ANKRD44: variants seen among roughly 807,000 people sequenced by gnomAD.
ANKRD44 encodes serine/threonine-protein phosphatase 6 regulatory ankyrin repeat subunit B.
ANKRD44 carries 35 observed loss-of-function variants against 116.0 expected under a neutral mutation model. The observed-to-expected ratio is 0.30, with a 90% confidence interval of 0.23 to 0.40. The LOEUF (loss-of-function observed/expected upper bound fraction) is 0.40, where lower values mean the gene tolerates loss of function less well. Ranked by LOEUF, ANKRD44 falls within the 10% of genes least tolerant of loss-of-function variation. The pLI is 1.00. For synonymous variants in ANKRD44, 435 were observed against 461.8 expected (o/e 0.94, Z 0.74); for missense variants, 1,014 against 1,242.6 (o/e 0.82, Z 2.77).
Position 197,008,953 on chromosome 2 carries a change from G to A in ANKRD44, c.2003C>T (p.Ala668Val), listed in dbSNP as rs2076247626. Residue 668 changes from alanine (A) to valine (V), a missense_variant, in exon 19 of 28, where the codon GCC (alanine) becomes GTC (valine). Coordinates refer to ENST00000282272, the MANE Select transcript of ANKRD44 (RefSeq NM_001195144.2). The stretch of plus-strand genomic sequence containing the variant: ...GTGTGAGCGCACTTACTGTCCTTTG[G>A]CATCTTTCACATCGACCGCCTCCGG... ...DNPEAVDVKD[A>V]KGQTPLMLAV... 1 of 1,613,898 alleles carries A rather than the reference G, an allele frequency of 6.2e-7. No homozygotes were observed. Among genetic ancestry groups the A allele is most frequent in the African/African-American group, 1.3e-5 (1 of 75,014 alleles).
intron 21 of ANKRD44, among the ~76,000 whole-genome samples, chr2:196,976,295 C>T (rs2075759868): frequency 6.6e-6 from 1 of 152,022 alleles, no homozygotes; most frequent in African/African-American, 2.4e-5. Context: ...AGCCACCACG[C>T]CTGGCTAATT....
chr2:197,019,794 T>C (rs542774630), intron 17 of ANKRD44, among the ~76,000 whole-genome samples: 33 of 151,942 alleles, frequency 2.2e-4, no homozygotes, highest in Non-Finnish European at 4.6e-4. Context: ...ATTTCTTTTT[T>C]TTTCTTTCTT....
intron 8 of ANKRD44, 71 bp downstream of exon 8, chr2:197,121,261 G>T (rs2078846614): frequency 7.1e-7 from 1 of 1,408,648 alleles, no homozygotes; most frequent in African/African-American, 1.4e-5. Flanking sequence ...GGCATAATTT[G>T]CAGCAGTTGA....
At chr2:197,100,533 C>G (rs143156705) in intron 9 of ANKRD44, among the ~76,000 whole-genome samples, 2 of 152,338 alleles carry the variant, frequency 1.3e-5, no homozygotes, top group Admixed American at 1.3e-4. Context: ...TAAATGCCTG[C>G]TCTGAATGAA....
chr2:197,154,442 G>A (rs2079754034), intron 2 of ANKRD44, among the ~76,000 whole-genome samples: 3 of 152,086 alleles, frequency 2.0e-5, no homozygotes, highest in Admixed American at 2.0e-4. Flanking sequence ...GCCTCCCAAA[G>A]TGCTGGGATT....
intron 1 of ANKRD44, among the ~76,000 whole-genome samples, chr2:197,289,479 A>G (rs1559223339): frequency 6.6e-6 from 1 of 152,262 alleles, no homozygotes; most frequent in Non-Finnish European, 1.5e-5. Context: ...CCAAATTTCC[A>G]TCAACAGATG....
At chr2:197,163,592 G>C (rs2080022984) in intron 2 of ANKRD44, among the ~76,000 whole-genome samples, 1 of 152,254 alleles carries the variant, frequency 6.6e-6, no homozygotes, top group Non-Finnish European at 1.5e-5. Context: ...GAACAGTCAT[G>C]GAAAGTGGAA....
intron 21 of ANKRD44, among the ~76,000 whole-genome samples, chr2:197,005,221 A>C (rs1489667694): frequency 6.6e-6 from 1 of 152,224 alleles, no homozygotes; most frequent in Non-Finnish European, 1.5e-5. Context: ...CAAATTTAAA[A>C]ATCTCCCAAA....
chr2:197,192,666 C>G (rs768055099), intron 1 of ANKRD44, among the ~76,000 whole-genome samples: 1 of 152,148 alleles, frequency 6.6e-6, no homozygotes, highest in Admixed American at 6.5e-5. Flanking sequence ...AAAATTTGTT[C>G]AAGTCACTAG....
At position 197,121,430 on chromosome 2, in the gene ANKRD44, T is replaced by C. The variant is rs747689632; in HGVS notation, c.808A>G (p.Asn270Asp). Reference sequence around the variant, plus strand: ...AAATGCAAAGGGGTGAACCCATTATTGTTTGGCTGGTTCACGTTAGCACCG... The same window carrying C: ...AAATGCAAAGGGGTGAACCCATTATCGTTTGGCTGGTTCACGTTAGCACCG... ...DYGANVNQPN[N>D]NGFTPLHFAA... The change falls in exon 8 of 28, where the codon AAT becomes GAT. Residue 270 changes from asparagine (N) to aspartate (D), a missense_variant. Asn to Asp is a conservative substitution (Grantham distance 23, BLOSUM62 1). Coordinates refer to ENST00000282272, the MANE Select transcript of ANKRD44 (RefSeq NM_001195144.2). The C allele has an allele frequency of 2.5e-6, 4 of 1,614,090 alleles. No homozygotes were observed. The highest frequency in any genetic ancestry group is 1.3e-5 in the African/African-American group (1 of 74,936).
chr2:197,197,824 AAAAAAAG>A (rs5837529), intron 1 of ANKRD44, among the ~76,000 whole-genome samples: 42,625 of 114,108 alleles, frequency 0.37, 7,878 homozygotes, highest in East Asian at 0.73. Context: ...AAAAAAAAAA[AAAAAAAG>A]AAAGAAAGAA....
intron 3 of ANKRD44, among the ~76,000 whole-genome samples, chr2:197,139,900 A>C (rs2079318083): frequency 8.7e-6 from 1 of 115,562 alleles, no homozygotes; most frequent in African/African-American, 3.7e-5. Context: ...GTGTGTGTGA[A>C]ACGGAGTCTT....
At chr2:197,209,119 G>A (rs1443561812) in intron 1 of ANKRD44, among the ~76,000 whole-genome samples, 2 of 152,182 alleles carry the variant, frequency 1.3e-5, no homozygotes, top group African/African-American at 2.4e-5. Context: ...TCTCATGGCT[G>A]TTCAGAGATG....
Position 197,007,936 on chromosome 2 carries a change from A to C in ANKRD44, c.2013-13T>G. On this transcript the variant is annotated splice_polypyrimidine_tract_variant and intron_variant, in intron 19 of 27. Coordinates refer to ENST00000282272, the MANE Select transcript of ANKRD44 (RefSeq NM_001195144.2). ...CATCAGTGGTGTTCTAGGCAGAGAG[A>C]TAAAGCAGGCTTTTAAAAAGGAGAT... 1 of 1,581,470 alleles carries C rather than the reference A, an allele frequency of 6.3e-7. No homozygotes were observed.
At chr2:197,115,798 G>C (rs2078694194) in intron 8 of ANKRD44, among the ~76,000 whole-genome samples, 1 of 152,150 alleles carries the variant, frequency 6.6e-6, no homozygotes, top group African/African-American at 2.4e-5. Context: ...CAGACAGGAT[G>C]GCTCTATGGA....
chr2:197,013,861 C>A (rs952007651), intron 17 of ANKRD44, 149 bp from the exon 18 acceptor site: 1 of 700,994 alleles, frequency 1.4e-6, no homozygotes, highest in East Asian at 2.7e-5. Flanking sequence ...TATTAAAACT[C>A]AGGCAAGCTG....
At chr2:197,064,310 A>G (rs2077383901) in intron 16 of ANKRD44, among the ~76,000 whole-genome samples, 1 of 152,214 alleles carries the variant, frequency 6.6e-6, no homozygotes, top group Non-Finnish European at 1.5e-5. Flanking sequence ...AGCACTAAAC[A>G]TGGAAAGGAA....
In ANKRD44 at chr2:197,011,383, T is replaced by C. The variant is rs1227802303; in HGVS notation, c.1924+2128A>G. Among the ~76,000 whole-genome samples the C allele has an allele frequency of 2.0e-5, 3 of 152,178 alleles. No individual in the cohort carries two copies. The East Asian group carries it at 5.8e-4, about 29-fold the overall frequency. Reference sequence around the variant, plus strand: ...CATATAACTCACCCAATGTGTTAGATAGCAAAACAGTTTCTACAGTTGTGC... The same window carrying C: ...CATATAACTCACCCAATGTGTTAGACAGCAAAACAGTTTCTACAGTTGTGC... On this transcript the variant is annotated intron_variant, in intron 18 of 27. Transcript: ENST00000282272.
intron 10 of ANKRD44, among the ~76,000 whole-genome samples, chr2:197,094,897 T>C (rs141865842): frequency 6.6e-6 from 1 of 152,232 alleles, no homozygotes; most frequent in Non-Finnish European, 1.5e-5. Flanking sequence ...CTAAAGTGGT[T>C]CAAGAGGCCC....
Sources: gnomAD v4.1 joint callset for allele counts (sites outside exome capture counted in the v4.1 genomes callset) on GRCh38, gnomAD v4.1.1 for gene constraint, MANE v1.5 for transcripts, NCBI Gene and HGNC (gene_info 2026-07-23, HGNC 2026-07-21) for gene names.